The following FAM13B variants were observed in gnomAD, a reference collection of about 807,000 sequenced individuals.
FAM13B encodes family with sequence similarity 13 member B, also known as protein FAM13B.
FAM13B carries 60 observed loss-of-function variants against 117.3 expected under a neutral mutation model. The ratio of observed to expected loss-of-function variants is 0.51; its 90% CI spans 0.42 to 0.63. The LOEUF (loss-of-function observed/expected upper bound fraction) is 0.63. Ranked by LOEUF, FAM13B falls within the 30% of genes least tolerant of loss-of-function variation. The pLI is 0.00. For synonymous variants in FAM13B, 332 were observed against 356.1 expected (o/e 0.93, Z 0.76); for missense variants, 972 against 1,091.9 (o/e 0.89, Z 1.55).
intron 2 of FAM13B, among the ~76,000 whole-genome samples, chr5:138,020,532 T>TTGTTTATTTAGAAAATA (rs1432761961): frequency 1.3e-5 from 2 of 152,320 alleles, no homozygotes; most frequent in East Asian, 3.9e-4. Flanking sequence ...CAAGTAATCC[T>TTGTTTATTTAGAAAATA]AAGAAAAATT....
Position 137,946,065 on chromosome 5 carries a change from G to A in FAM13B, c.2245-68C>T. On this transcript the variant is annotated intron_variant, in intron 19 of 23. Coordinates refer to ENST00000689681, the MANE Select transcript of FAM13B (RefSeq NM_001385994.1). ...TAAAATGTCCAAAACATTAAACAAT[G>A]ACTTATTCGCCCAATTTCAAATTTT... is the stretch of plus-strand genomic sequence containing the variant. 4.3e-6 allele frequency: 6 copies of A among 1,387,580 alleles called. No individual in the cohort carries two copies. The South Asian group carries it at 7.5e-5, about 17-fold the overall frequency. 86.0% of individuals were successfully genotyped at this position (1,387,580 alleles called of 1,614,324 possible). A position where few individuals can be genotyped will look rare whatever the true frequency, so the allele number is the denominator to read the frequency against.
chr5:137,957,104 T>C (rs1459473931), intron 13 of FAM13B, among the ~76,000 whole-genome samples: 1 of 152,222 alleles, frequency 6.6e-6, no homozygotes, highest in Non-Finnish European at 1.5e-5. Context: ...ACTATGTACT[T>C]AGGAATAGTG....
chr5:138,047,331 C>G (rs992518247), intron 1 of FAM13B, among the ~76,000 whole-genome samples: 2 of 151,308 alleles, frequency 1.3e-5, no homozygotes, highest in Admixed American at 6.6e-5. Flanking sequence ...AGGGTGAAAC[C>G]CCACCTCTAC....
At chr5:137,995,725 T>C (rs1779700195) in intron 7 of FAM13B, among the ~76,000 whole-genome samples, 2 of 152,226 alleles carry the variant, frequency 1.3e-5, no homozygotes, top group Non-Finnish European at 2.9e-5. Context: ...TTCTCACTGT[T>C]ACAAAGTTAG....
Position 138,011,036 on chromosome 5 carries a change from G to C in FAM13B, c.662C>G (p.Ser221Cys), listed in dbSNP as rs980644076. 1.9e-6 allele frequency: 3 copies of C among 1,595,214 alleles called. No homozygotes were observed. The African/African-American group carries it at 4.1e-5, about 22-fold the overall frequency. Residue 221 changes from serine (S) to cysteine (C), a missense_variant, in exon 6 of 24, where the codon TCT becomes TGT. Physicochemically the swap from Ser to Cys is moderately radical, Grantham distance 112 (BLOSUM62 -1). Coordinates refer to ENST00000689681, the MANE Select transcript of FAM13B (RefSeq NM_001385994.1). Reference protein sequence around the residue: ...FFENEEEDFSSNDLSSITEQV... With the variant: ...FFENEEEDFSCNDLSSITEQV... ...TTCAGTAATTGAACTCAAATCATTA[G>C]ATGAAAAATCTTCCTCTTCATTCTC...
intron 7 of FAM13B, among the ~76,000 whole-genome samples, chr5:137,992,041 C>T (rs1019497714): frequency 7.9e-5 from 12 of 151,730 alleles, no homozygotes; most frequent in Admixed American, 7.2e-4. Context: ...TGCCTCAGAC[C>T]GCCAAATAAG....
chr5:137,954,505 T>TACACACAC (rs111423475), intron 14 of FAM13B, 129 bp from the exon 15 acceptor site: 7 of 416,632 alleles, frequency 1.7e-5, no homozygotes, highest in Admixed American at 8.0e-5. Context: ...CATACACACA[T>TACACACAC]ACACACACAC....
intron 6 of FAM13B, among the ~76,000 whole-genome samples, chr5:138,010,783 C>CT (rs1052607655): frequency 4.6e-5 from 7 of 152,104 alleles, no homozygotes; most frequent in African/African-American, 1.4e-4. Flanking sequence ...ACCATATACT[C>CT]TAATTTTAAT....
At chr5:138,042,301 A>G (rs892714903) in intron 1 of FAM13B, among the ~76,000 whole-genome samples, 1 of 152,186 alleles carries the variant, frequency 6.6e-6, no homozygotes, top group African/African-American at 2.4e-5. Context: ...GGAAAACTAA[A>G]CTATCATTTT....
intron 17 of FAM13B, among the ~76,000 whole-genome samples, chr5:137,949,801 A>G (rs1764432608): frequency 1.4e-5 from 2 of 147,448 alleles, no homozygotes; most frequent in Non-Finnish European, 3.0e-5. Context: ...TCTGTCTCAA[A>G]AAAAAAAAAA....
chr5:137,939,825 A>G lies in FAM13B; in HGVS notation c.*400T>C. 7.9e-7 allele frequency: 1 copy of G among 1,267,702 alleles called. No individual in the cohort carries two copies. The allele number at this position is 1,267,702 out of a possible 1,614,324, so 78.5% of individuals were successfully genotyped here. ...TCTGTAAGAAAAAGGCAACAGAAGA[A>G]TTCAGTATGAAGATTTTCCTCCAAT... On this transcript the variant is annotated 3_prime_UTR_variant, in exon 24 of 24. Coordinates refer to ENST00000689681, the MANE Select transcript of FAM13B (RefSeq NM_001385994.1).
chr5:138,004,406 G>A (rs1052288151), intron 7 of FAM13B, among the ~76,000 whole-genome samples: 18 of 152,098 alleles, frequency 1.2e-4, no homozygotes, highest in African/African-American at 4.1e-4. Flanking sequence ...TAGCCTTGCT[G>A]GTAATTACAT....
rs201966769 is a variant in FAM13B at position 137,999,121 on chromosome 5, T to C, written c.848+7869A>G. ...TTCAGGGTCTTTTTTTTTTTTTGTC[T>C]TTTTTTTTTTGAGACAGGGTCCCAC... On this transcript the variant is annotated intron_variant, in intron 7 of 23. Coordinates refer to ENST00000689681, the MANE Select transcript of FAM13B (RefSeq NM_001385994.1). Among the ~76,000 whole-genome samples the C allele has an allele frequency of 9.7e-4, 132 of 135,756 alleles. No homozygotes were observed. In the East Asian group the frequency reaches 0.029, roughly 30 times the overall value. 89.1% of individuals were successfully genotyped at this position (135,756 alleles called of 152,430 possible).
At chr5:138,012,025 A>G (rs1035291452) in intron 4 of FAM13B, 80 bp from the exon 5 acceptor site, 25 of 900,190 alleles carry the variant, frequency 2.8e-5, no homozygotes, top group Admixed American at 6.0e-5. Flanking sequence ...ACATTACTCC[A>G]CCCACATCAC....
At chr5:137,989,259 G>T (rs1778005927) in intron 7 of FAM13B, among the ~76,000 whole-genome samples, 1 of 152,152 alleles carries the variant, frequency 6.6e-6, no homozygotes, top group African/African-American at 2.4e-5. Flanking sequence ...TATGAAGTTA[G>T]TATTGTCAGG....
At chr5:137,964,800 T>C (rs1230094646) in intron 10 of FAM13B, among the ~76,000 whole-genome samples, 1 of 151,950 alleles carries the variant, frequency 6.6e-6, no homozygotes, top group Admixed American at 6.6e-5. Context: ...ATCACAAATA[T>C]GAGAATAACA....
chr5:137,963,346 T>C (rs1474142354), intron 10 of FAM13B, among the ~76,000 whole-genome samples: 2 of 152,254 alleles, frequency 1.3e-5, no homozygotes, highest in Admixed American at 6.5e-5. Context: ...TATTTCTAGC[T>C]ATGTAAAACA....
At chr5:137,966,488 T>TATATATATATAGAG (rs1461425784) in intron 10 of FAM13B, among the ~76,000 whole-genome samples, 9 of 29,474 alleles carry the variant, frequency 3.1e-4, no homozygotes, top group African/African-American at 6.4e-4. Context: ...TATATATATA[T>TATATATATATAGAG]AGAGAGAGAG....
At position 138,030,217 on chromosome 5, in the gene FAM13B, G is replaced by A. The variant is rs542990545; in HGVS notation, c.-203+2565C>T. Among the ~76,000 whole-genome samples the A allele has an allele frequency of 5.9e-5, 9 of 152,106 alleles. No individual in the cohort carries two copies. The South Asian group carries it at 1.7e-3, about 28-fold the overall frequency. ...TTTATTAATTTATCTAGGGTGTGGC[G>A]TTCCTTGGCTCCAAAATATTCATCA... On this transcript the variant is annotated intron_variant, in intron 1 of 23. Transcript: ENST00000689681.
Sources: allele counts gnomAD v4.1 joint callset (sites outside exome capture counted in the v4.1 genomes callset), GRCh38; gene constraint gnomAD v4.1.1; transcripts MANE v1.5; gene names NCBI Gene and HGNC (gene_info 2026-07-23, HGNC 2026-07-21).